Variants in PPP6R3 observed in about 807,000 individuals in gnomAD.
PPP6R3 encodes serine/threonine-protein phosphatase 6 regulatory subunit 3.
Under a neutral mutation model 110.7 loss-of-function variants are expected in PPP6R3, and 38 were observed. The observed-to-expected ratio is 0.34, with a 90% CI of 0.26 to 0.45. The LOEUF is 0.45. Ranked by LOEUF, PPP6R3 falls within the 20% of genes least tolerant of loss-of-function variation. The pLI is 1.00. For missense variants in PPP6R3, 870 were observed against 1,062.4 expected (o/e 0.82, Z 2.52); for synonymous variants, 369 against 373.5 (o/e 0.99, Z 0.14).
At chr11:68,569,949 T>G (rs2099496238) in intron 11 of PPP6R3, 52 bp downstream of exon 11, 1 of 1,516,810 alleles carries the variant, frequency 6.6e-7, no homozygotes, top group African/African-American at 1.4e-5. Flanking sequence ...TTATAGCAGT[T>G]TTCCACTTGA....
chr11:68,518,188 A>G (rs1223393894), intron 1 of PPP6R3, among the ~76,000 whole-genome samples: 1 of 152,230 alleles, frequency 6.6e-6, no homozygotes, highest in African/African-American at 2.4e-5. Context: ...TCTACATATT[A>G]TGAATTAATT....
In PPP6R3 at chr11:68,558,983, C is replaced by T. The variant is rs184084699; in HGVS notation, c.845+304C>T. Among the ~76,000 whole-genome samples the T allele has an allele frequency of 2.4e-4, 37 of 152,276 alleles. No individual in the cohort carries two copies. In the East Asian group the frequency reaches 5.4e-3, roughly 22 times the overall value. On this transcript the variant is annotated intron_variant, in intron 8 of 23. Transcript: ENST00000393800. ...CTATAATCAAAAACATGTATAATGGCTGAAAAACAGAGAAGCTTATTTCTT... is the reference window on the plus strand; with the variant it reads ...CTATAATCAAAAACATGTATAATGGTTGAAAAACAGAGAAGCTTATTTCTT...
intron 14 of PPP6R3, among the ~76,000 whole-genome samples, chr11:68,581,627 T>C (rs543174957): frequency 2.0e-5 from 3 of 152,360 alleles, no homozygotes; most frequent in Non-Finnish European, 1.5e-5. Context: ...TGACTTGCTC[T>C]TTAACATAGT....
chr11:68,592,784 C>CA (rs1238477652), intron 18 of PPP6R3, among the ~76,000 whole-genome samples: 1 of 152,214 alleles, frequency 6.6e-6, no homozygotes, highest in South Asian at 2.1e-4. Context: ...AAGTCACACT[C>CA]AGACTTGTTT....
In PPP6R3 at chr11:68,602,062, G is replaced by C. The variant is rs531108062; in HGVS notation, c.2299+93G>C. Reference sequence around the variant, plus strand: ...TCAGGCTCAGGGGCTAGTGGAGCCCGGGAGTGAGATGGTGGGTCTGATGTC... The same window carrying C: ...TCAGGCTCAGGGGCTAGTGGAGCCCCGGAGTGAGATGGTGGGTCTGATGTC... On this transcript the variant is annotated intron_variant, in intron 21 of 23. Coordinates refer to ENST00000393800, the MANE Select transcript of PPP6R3 (RefSeq NM_001164161.2). 1.4e-5 allele frequency: 14 copies of C among 980,708 alleles called. No individual in the cohort carries two copies. In the East Asian group the frequency reaches 3.5e-4, roughly 25 times the overall value. 60.8% of individuals were successfully genotyped at this position (980,708 alleles called of 1,614,324 possible).
At chr11:68,514,823 G>T (rs1351507902) in intron 1 of PPP6R3, among the ~76,000 whole-genome samples, 1 of 152,062 alleles carries the variant, frequency 6.6e-6, no homozygotes, top group Admixed American at 6.5e-5. Flanking sequence ...GACCTCAGGC[G>T]ATCCACCTGC....
intron 1 of PPP6R3, among the ~76,000 whole-genome samples, chr11:68,465,727 A>C (rs544237542): frequency 6.6e-6 from 1 of 151,264 alleles, no homozygotes; most frequent in South Asian, 2.1e-4. Flanking sequence ...AGAGGCAAAC[A>C]AGAGACGACA....
At position 68,515,375 on chromosome 11, in the gene PPP6R3, A is replaced by G. The variant is rs569430; in HGVS notation, c.-157-4126A>G. Among the ~76,000 whole-genome samples the G allele has an allele frequency of 1.4e-3, 210 of 152,382 alleles. 1 individual carries two copies. Among genetic ancestry groups the G allele is most frequent in the African/African-American group, 4.8e-3 (198 of 41,584 alleles). ...CTCAGGGTCTCCACAAGGCAGACAC[A>G]GCACAGTACCACAGGAGATGGCTGG... On this transcript the variant is annotated intron_variant, in intron 1 of 23. Transcript: ENST00000393800.
chr11:68,603,942 C>T (rs58897560), intron 22 of PPP6R3, among the ~76,000 whole-genome samples: 3,674 of 152,228 alleles, frequency 0.024, 158 homozygotes, highest in African/African-American at 0.083. Context: ...AGAACGTGAC[C>T]CTTAGAAATT....
chr11:68,612,718 G>A (rs79114232), intron 23 of PPP6R3, among the ~76,000 whole-genome samples: 2,185 of 152,114 alleles, frequency 0.014, 66 homozygotes, highest in African/African-American at 0.05. Flanking sequence ...TTGAAGGAGC[G>A]GTGAACACAT....
intron 11 of PPP6R3, among the ~76,000 whole-genome samples, chr11:68,570,488 A>G (rs538270555): frequency 1.3e-5 from 2 of 152,266 alleles, no homozygotes; most frequent in African/African-American, 4.8e-5. Flanking sequence ...GATGGGAAAG[A>G]CAAATGACAC....
At chr11:68,468,919 A>T (rs1396343666) in intron 1 of PPP6R3, among the ~76,000 whole-genome samples, 1 of 152,196 alleles carries the variant, frequency 6.6e-6, no homozygotes, top group Non-Finnish European at 1.5e-5. Flanking sequence ...GGAGTCTCAC[A>T]TTTTATATAG....
At chr11:68,478,681 G>A (rs1193807286) in intron 1 of PPP6R3, among the ~76,000 whole-genome samples, 2 of 18,376 alleles carry the variant, frequency 1.1e-4, no homozygotes, top group African/African-American at 3.9e-4. Flanking sequence ...TTGAGAAGAT[G>A]GAGTCTCGCT....
At chr11:68,543,002 A>T (rs75326146) in intron 3 of PPP6R3, among the ~76,000 whole-genome samples, 1 of 152,066 alleles carries the variant, frequency 6.6e-6, no homozygotes, top group Admixed American at 6.6e-5. Context: ...TCCCCAACCC[A>T]CTCTAGCAGC....
At chr11:68,603,927 T>G (rs2153950938) in intron 22 of PPP6R3, among the ~76,000 whole-genome samples, 1 of 152,308 alleles carries the variant, frequency 6.6e-6, no homozygotes, top group East Asian at 1.9e-4. Flanking sequence ...AATGATAGCT[T>G]TAAAAGAACG....
chr11:68,504,487 G>A (rs1022159239), intron 1 of PPP6R3, among the ~76,000 whole-genome samples: 1 of 152,102 alleles, frequency 6.6e-6, no homozygotes, highest in East Asian at 1.9e-4. Flanking sequence ...TTTCATATAT[G>A]TACTGAGTTA....
intron 1 of PPP6R3, among the ~76,000 whole-genome samples, chr11:68,462,488 G>C (rs1193248346): frequency 1.3e-5 from 2 of 152,204 alleles, no homozygotes; most frequent in African/African-American, 4.8e-5. Context: ...TGTGCTTTTG[G>C]ATACTAGTTT....
chr11:68,546,395 G>T lies in PPP6R3; in HGVS notation c.414+1371G>T, dbSNP rs111294862. ...CTTCTGTGCTGTTGGAATCCAAGTT[G>T]GCGAGCCCCGATTTTCAGTGTACAC... is the stretch of plus-strand genomic sequence containing the variant. On this transcript the variant is annotated intron_variant, in intron 4 of 23. Transcript: ENST00000393800. Among the ~76,000 whole-genome samples, 6 of 152,252 alleles carry T rather than the reference G, an allele frequency of 3.9e-5. 1 individual carries two copies. The highest frequency in any genetic ancestry group is 1.4e-4 in the African/African-American group (6 of 41,528).
Position 68,546,392 on chromosome 11 carries a change from G to A in PPP6R3, c.414+1368G>A, listed in dbSNP as rs1209724864. 2.0e-5 allele frequency among the ~76,000 whole-genome samples: 3 copies of A among 152,290 alleles called. No homozygotes were observed. In the East Asian group the frequency reaches 5.8e-4, roughly 29 times the overall value. ...TCACTTCTGTGCTGTTGGAATCCAA[G>A]TTGGCGAGCCCCGATTTTCAGTGTA... On this transcript the variant is annotated intron_variant, in intron 4 of 23. Transcript: ENST00000393800.
Sources: gnomAD v4.1 joint callset for allele counts (sites outside exome capture counted in the v4.1 genomes callset) on GRCh38, gnomAD v4.1.1 for gene constraint, MANE v1.5 for transcripts, NCBI Gene and HGNC (gene_info 2026-07-23, HGNC 2026-07-21) for gene names.